Variants in COL21A1 observed in about 807,000 individuals in gnomAD.
COL21A1 encodes collagen type XXI alpha 1 chain.
Under a neutral mutation model 137.9 loss-of-function variants are expected in COL21A1, and 149 were observed. The ratio of observed to expected loss-of-function variants is 1.08; its 90% CI spans 0.95 to 1.24. The LOEUF (loss-of-function observed/expected upper bound fraction) is 1.24. Among genes scored for constraint, COL21A1 ranks in the 50% most tolerant of loss-of-function variants. The pLI, the probability that COL21A1 is intolerant of heterozygous loss-of-function variation, is 0.00. For synonymous variants in COL21A1, 456 were observed against 391.5 expected (o/e 1.16, Z -1.95); for missense variants, 1,167 against 1,158.4 (o/e 1.01, Z -0.11).
At chr6:56,362,932 A>G (rs1161686282) in intron 1 of COL21A1, among the ~76,000 whole-genome samples, 1 of 152,076 alleles carries the variant, frequency 6.6e-6, no homozygotes, top group African/African-American at 2.4e-5. Flanking sequence ...TTATATTTCC[A>G]GGGCTTATCA....
intron 1 of COL21A1, among the ~76,000 whole-genome samples, chr6:56,308,149 C>G (rs906857067): frequency 4.6e-5 from 7 of 152,214 alleles, no homozygotes; most frequent in African/African-American, 1.7e-4. Flanking sequence ...CATGAAGGCT[C>G]TGCCTTATAA....
intron 1 of COL21A1, among the ~76,000 whole-genome samples, chr6:56,203,115 A>C (rs1216571098): frequency 6.6e-6 from 1 of 152,184 alleles, no homozygotes; most frequent in Non-Finnish European, 1.5e-5. Context: ...CTGGTTTCCA[A>C]ATGGAAAACT....
chr6:56,392,843 A>G (rs1429702884), intron 1 of COL21A1, among the ~76,000 whole-genome samples: 5 of 152,168 alleles, frequency 3.3e-5, no homozygotes, highest in Non-Finnish European at 7.4e-5. Context: ...AAGAAATTGA[A>G]GAGGACACAC....
At position 56,286,843 on chromosome 6, in the gene COL21A1, G is replaced by T. The variant is rs1763925416; in HGVS notation, c.-38-104187C>A. Among the ~76,000 whole-genome samples, 2 of 152,148 alleles carry T rather than the reference G, an allele frequency of 1.3e-5. 1 individual carries two copies. Among genetic ancestry groups the T allele is most frequent in the South Asian group, 4.1e-4 (2 of 4,830 alleles). On this transcript the variant is annotated intron_variant, in intron 1 of 28. Coordinates refer to the COL21A1 transcript ENST00000370819. ...GGCCATCATCTCCTAACATTCTATA[G>T]AAATAAGCCTGGAGAGGAAAAGAAT...
At chr6:56,269,896 C>A (rs574366030) in intron 1 of COL21A1, among the ~76,000 whole-genome samples, 1 of 152,252 alleles carries the variant, frequency 6.6e-6, no homozygotes, top group East Asian at 1.9e-4. Context: ...GAATTCATCA[C>A]AACCAAATCA....
chr6:56,180,276 G>T, intron 2 of COL21A1, 147 bp from the exon 3 acceptor site: 1 of 684,624 alleles, frequency 1.5e-6, no homozygotes, highest in Non-Finnish European at 2.3e-6. Flanking sequence ...ATGCTAACGT[G>T]AAATATTACA....
chr6:56,209,946 A>G (rs1780051863), intron 1 of COL21A1, among the ~76,000 whole-genome samples: 2 of 152,198 alleles, frequency 1.3e-5, no homozygotes, highest in African/African-American at 4.8e-5. Context: ...CTATACAGCC[A>G]TAAAGAAGGA....
At chr6:56,362,892 A>G (rs1415405669) in intron 1 of COL21A1, among the ~76,000 whole-genome samples, 1 of 152,066 alleles carries the variant, frequency 6.6e-6, no homozygotes. Flanking sequence ...ACTTGGCAGC[A>G]AACCCTACCC....
intron 1 of COL21A1, among the ~76,000 whole-genome samples, chr6:56,333,268 C>G (rs1174382036): frequency 6.6e-6 from 1 of 151,926 alleles, no homozygotes; most frequent in Non-Finnish European, 1.5e-5. Flanking sequence ...CCTTTCAACC[C>G]TTCATTTCCA....
At chr6:56,325,643 A>T (rs1269627892) in intron 1 of COL21A1, among the ~76,000 whole-genome samples, 8 of 242 alleles carry the variant, frequency 0.033, 4 homozygotes, top group Non-Finnish European at 0.15. Flanking sequence ...TATAATATAT[A>T]ATATAATATA....
intron 17 of COL21A1, among the ~76,000 whole-genome samples, chr6:56,093,326 A>G (rs947922130): frequency 2.0e-5 from 3 of 152,114 alleles, no homozygotes; most frequent in African/African-American, 7.2e-5. Context: ...GTGAATTTCA[A>G]ATTCTTATCT....
At chr6:56,191,321 G>A (rs1242832706) in intron 1 of COL21A1, among the ~76,000 whole-genome samples, 2 of 151,534 alleles carry the variant, frequency 1.3e-5, no homozygotes, top group Non-Finnish European at 2.9e-5. Context: ...CAGACAAACA[G>A]AGAGCCAATA....
chr6:56,326,391 T>A (rs575518763), intron 1 of COL21A1, among the ~76,000 whole-genome samples: 1 of 151,908 alleles, frequency 6.6e-6, no homozygotes, highest in East Asian at 1.9e-4. Flanking sequence ...AAAAATGTAT[T>A]GAGTTAGAAG....
At chr6:56,227,507 T>G (rs777836971) in intron 1 of COL21A1, among the ~76,000 whole-genome samples, 2 of 152,060 alleles carry the variant, frequency 1.3e-5, no homozygotes, top group Non-Finnish European at 2.9e-5. Flanking sequence ...TTATTACACT[T>G]CAGAGTAAAT....
At chr6:56,163,264 T>C (rs2152266396) in intron 9 of COL21A1, among the ~76,000 whole-genome samples, 1 of 152,342 alleles carries the variant, frequency 6.6e-6, no homozygotes, top group East Asian at 1.9e-4. Flanking sequence ...GGAAACATAC[T>C]TGCTTTCAAG....
chr6:56,146,816 C>A (rs529616978), intron 10 of COL21A1, among the ~76,000 whole-genome samples: 1 of 152,240 alleles, frequency 6.6e-6, no homozygotes, highest in African/African-American at 2.4e-5. Context: ...AAAAACATTT[C>A]TACTTCAAAT....
intron 1 of COL21A1, among the ~76,000 whole-genome samples, chr6:56,295,867 A>G (rs982689834): frequency 3.3e-5 from 5 of 151,956 alleles, no homozygotes; most frequent in African/African-American, 9.7e-5. Flanking sequence ...CACATAGACA[A>G]TCATGTCATC....
At chr6:56,161,433 A>G (rs1416770784) in intron 9 of COL21A1, among the ~76,000 whole-genome samples, 1 of 152,094 alleles carries the variant, frequency 6.6e-6, no homozygotes, top group Non-Finnish European at 1.5e-5. Context: ...GTGGACCTGG[A>G]TCTTTCTCGC....
chr6:56,223,149 G>A (rs1164947866), intron 1 of COL21A1, among the ~76,000 whole-genome samples: 1 of 152,024 alleles, frequency 6.6e-6, no homozygotes, highest in Non-Finnish European at 1.5e-5. Context: ...GGGATAATCA[G>A]TTCATGTATT....
Sources: gnomAD v4.1 joint callset for allele counts (sites outside exome capture counted in the v4.1 genomes callset) on GRCh38, gnomAD v4.1.1 for gene constraint, MANE v1.5 for transcripts, NCBI Gene and HGNC (gene_info 2026-07-23, HGNC 2026-07-21) for gene names.